The following SLC22A14 variants were observed in gnomAD, a reference collection of about 807,000 sequenced individuals.
The protein encoded by SLC22A14 is solute carrier family 22 member 14.
Under a neutral mutation model 53.9 loss-of-function variants are expected in SLC22A14, and 50 were observed. The ratio of observed to expected loss-of-function variants is 0.93; its 90% CI spans 0.74 to 1.17. The LOEUF (loss-of-function observed/expected upper bound fraction) is 1.17, where lower values mean the gene tolerates loss of function less well. Among genes scored for constraint, SLC22A14 ranks in the 50% most tolerant of loss-of-function variants. The pLI is 0.00. For synonymous variants in SLC22A14, 312 were observed against 303.0 expected (o/e 1.03, Z -0.31); for missense variants, 671 against 734.7 (o/e 0.91, Z 1.00).
intron 1 of SLC22A14, among the ~76,000 whole-genome samples, chr3:38,301,068 C>A (rs1292529645): frequency 6.6e-6 from 1 of 152,166 alleles, no homozygotes; most frequent in African/African-American, 2.4e-5. Flanking sequence ...TTTCTCCCCC[C>A]TCAGCCTCCC....
chr3:38,287,938 A>G (rs1403136661), intron 1 of SLC22A14, among the ~76,000 whole-genome samples: 4 of 152,232 alleles, frequency 2.6e-5, no homozygotes, highest in East Asian at 1.9e-4. Flanking sequence ...AAAATGTAAT[A>G]TATACACAAC....
chr3:38,305,980 AG>A (rs886160637), intron 1 of SLC22A14, 46 bp from the exon 2 acceptor site: 1 of 1,552,100 alleles, frequency 6.4e-7, no homozygotes, highest in African/African-American at 1.4e-5. Context: ...TCTGATGTTT[AG>A]GAAGTGGTGT....
In SLC22A14 at chr3:38,313,938, GA is replaced by G; in HGVS notation, c.1377del (p.Glu461ArgfsTer16). 6.2e-7 allele frequency: 1 copy of G among 1,613,182 alleles called. No individual in the cohort carries two copies. The highest frequency in any genetic ancestry group is 8.5e-7 in the Non-Finnish European group (1 of 1,179,648). ...IWCLLLLFLP[E>X]GEDGLRLKWP... ...GTGCTTGCTTCTCCTTTTCCTCCCTGAAGGTACAGCTCATCCTTCCCCTGTG... is the reference window on the plus strand; with the variant it reads ...GTGCTTGCTTCTCCTTTTCCTCCCTGAGGTACAGCTCATCCTTCCCCTGTG... On this transcript the variant is annotated frameshift_variant and splice_region_variant, in exon 8 of 11. Coordinates refer to ENST00000448498, the MANE Select transcript of SLC22A14 (RefSeq NM_001320033.2). LOFTEE classifies it high-confidence loss of function.
In SLC22A14 at chr3:38,307,526, G is replaced by T; in HGVS notation, c.621-40G>T. The T allele has an allele frequency of 6.2e-7, 1 of 1,606,994 alleles. No individual in the cohort carries two copies. Among genetic ancestry groups the T allele is most frequent in the Non-Finnish European group, 8.5e-7 (1 of 1,176,246 alleles). On this transcript the variant is annotated intron_variant, in intron 3 of 10. Coordinates refer to ENST00000448498, the MANE Select transcript of SLC22A14 (RefSeq NM_001320033.2). The surrounding 1 kb of genome is among the most constrained non-coding windows in gnomAD (Gnocchi z 4.4). The stretch of plus-strand genomic sequence containing the variant: ...GTATCCGGCTGGGGCCAGCCCGGGA[G>T]ATCCCGGCACTTGGTGCAGCCTCCC...
At chr3:38,313,678 G>GTA (rs758266317) in intron 7 of SLC22A14, 49 bp from the exon 8 acceptor site, 1 of 1,004,448 alleles carries the variant, frequency 1.0e-6, no homozygotes, top group Non-Finnish European at 1.6e-6. Flanking sequence ...TCCTGGCTCC[G>GTA]TGTGTGTGCG....
At chr3:38,279,747 C>T (rs1431364122), upstream of SLC22A14, among the ~76,000 whole-genome samples, 1 of 151,936 alleles carries the variant, frequency 6.6e-6, no homozygotes, top group East Asian at 1.9e-4. Context: ...GCCTCTGGGA[C>T]TCTGAAGGAG....
At chr3:38,316,970 C>T (rs1039353605) in intron 10 of SLC22A14, among the ~76,000 whole-genome samples, 2 of 152,266 alleles carry the variant, frequency 1.3e-5, no homozygotes, top group Admixed American at 1.3e-4. Flanking sequence ...GGACTCTGGC[C>T]TCTTGGCCCC....
intron 5 of SLC22A14, among the ~76,000 whole-genome samples, chr3:38,312,268 G>C (rs1163916603): frequency 6.6e-6 from 1 of 152,072 alleles, no homozygotes; most frequent in Admixed American, 6.5e-5. Flanking sequence ...CTTGAGCCTG[G>C]GAGTAAAATG....
intron 1 of SLC22A14, among the ~76,000 whole-genome samples, chr3:38,297,122 G>C (rs1704057437): frequency 6.6e-6 from 1 of 152,184 alleles, no homozygotes; most frequent in Non-Finnish European, 1.5e-5. Flanking sequence ...CCCTCCCTCT[G>C]TGCTCTCAGG....
At chr3:38,299,655 T>C (rs1704117498) in intron 1 of SLC22A14, among the ~76,000 whole-genome samples, 1 of 152,214 alleles carries the variant, frequency 6.6e-6, no homozygotes, top group South Asian at 2.1e-4. Flanking sequence ...TTCAATCTCC[T>C]GGGCTCAAGT....
intron 1 of SLC22A14, chr3:38,305,288 T>G (rs697331): frequency 6.6e-6 from 1 of 152,242 alleles, no homozygotes; most frequent in Admixed American, 6.5e-5. Context: ...GATGTACCTC[T>G]GTGAGAGTCT....
At chr3:38,288,251 A>G (rs1703833829) in intron 1 of SLC22A14, among the ~76,000 whole-genome samples, 1 of 152,220 alleles carries the variant, frequency 6.6e-6, no homozygotes, top group African/African-American at 2.4e-5. Flanking sequence ...ATACTGTAAC[A>G]TGTATTATAA....
intron 6 of SLC22A14, 81 bp downstream of exon 6, chr3:38,313,200 A>G: frequency 6.4e-7 from 1 of 1,570,322 alleles, no homozygotes; most frequent in Non-Finnish European, 8.7e-7. Context: ...TTCAGGTGGG[A>G]CATTGGTCCA....
In SLC22A14 at chr3:38,313,771, G is replaced by A. The variant is rs375612275; in HGVS notation, c.1208G>A (p.Arg403Lys). Residue 403 changes from arginine (R) to lysine (K), a missense_variant, in exon 8 of 11, where the codon AGA (arginine) becomes AAA (lysine). Transcript: ENST00000448498. ...YTYFTLSLRMRELGVSVHFRH... is the reference protein window; with the variant it reads ...YTYFTLSLRMKELGVSVHFRH... ...TATTTTACGTTGAGCCTGAGAATGAGAGAGCTGGGCGTGAGCGTCCACTTC... is the reference window on the plus strand; with the variant it reads ...TATTTTACGTTGAGCCTGAGAATGAAAGAGCTGGGCGTGAGCGTCCACTTC... The A allele has an allele frequency of 1.9e-6, 3 of 1,604,036 alleles. No homozygotes were observed. The highest frequency in any genetic ancestry group is 1.7e-5 in the Admixed American group (1 of 58,824).
chr3:38,315,114 T>C (rs972492033), intron 8 of SLC22A14, among the ~76,000 whole-genome samples: 1 of 152,220 alleles, frequency 6.6e-6, no homozygotes, highest in Non-Finnish European at 1.5e-5. Context: ...ATCCCAGCCA[T>C]TCAGGCCCCA....
intron 5 of SLC22A14, among the ~76,000 whole-genome samples, chr3:38,310,692 A>G (rs1194448966): frequency 6.6e-6 from 1 of 152,154 alleles, no homozygotes; most frequent in Non-Finnish European, 1.5e-5. Context: ...TAATGCTCCC[A>G]GTGCTCTGTT....
At chr3:38,293,121 T>C (rs1440569738) in intron 1 of SLC22A14, among the ~76,000 whole-genome samples, 2 of 152,128 alleles carry the variant, frequency 1.3e-5, no homozygotes, top group Non-Finnish European at 2.9e-5. Flanking sequence ...TGCTGGATCA[T>C]CTAGTTAGTG....
At chr3:38,308,430 G>A (rs562812976) in intron 4 of SLC22A14, among the ~76,000 whole-genome samples, 1 of 152,314 alleles carries the variant, frequency 6.6e-6, no homozygotes, top group East Asian at 1.9e-4. Context: ...AGGGCCACAC[G>A]GCAACTAAGT....
At chr3:38,312,885 A>G (rs1193019270) in intron 5 of SLC22A14, 114 bp from the exon 6 acceptor site, 2 of 1,409,180 alleles carry the variant, frequency 1.4e-6, no homozygotes, top group Non-Finnish European at 1.9e-6. Context: ...AGGCCCTGAC[A>G]TCTGAATCAC....
Sources: allele counts gnomAD v4.1 joint callset (sites outside exome capture counted in the v4.1 genomes callset), GRCh38; gene constraint gnomAD v4.1.1; non-coding constraint Gnocchi (gnomAD v3.1); transcripts MANE v1.5; gene names NCBI Gene and HGNC (gene_info 2026-07-23, HGNC 2026-07-21).